The following AMPH variants were observed in gnomAD, a reference collection of about 807,000 sequenced individuals.
AMPH encodes the protein amphiphysin (Stiff-Mann syndrome with breast cancer 128kD autoantigen).
A neutral mutation model predicts 99.1 loss-of-function variants in AMPH; 49 were observed. The ratio of observed to expected loss-of-function variants is 0.49; its 90% CI spans 0.39 to 0.63. The LOEUF (loss-of-function observed/expected upper bound fraction) is 0.63. Among genes scored for constraint, AMPH ranks in the 20% least tolerant of loss-of-function variants. The pLI is 0.00. For synonymous variants in AMPH, 314 were observed against 317.3 expected (o/e 0.99, Z 0.11); for missense variants, 759 against 863.4 (o/e 0.88, Z 1.52).
intron 1 of AMPH, among the ~76,000 whole-genome samples, chr7:38,585,600 A>G (rs149079688): frequency 2.1e-4 from 32 of 152,334 alleles, no homozygotes. Flanking sequence ...AGTGCTTTAT[A>G]CTAGGTTCTG....
intron 1 of AMPH, among the ~76,000 whole-genome samples, chr7:38,624,665 CAAAAAAATAAATAAATAAAAATAAT>C (rs1562868616): frequency 6.7e-6 from 1 of 150,302 alleles, no homozygotes; most frequent in East Asian, 1.9e-4. Flanking sequence ...AGAAGATGGG[CAAAAAAATAAATAAATAAAAATAAT>C]AAAAAAATAA....
At chr7:38,574,733 T>G (rs1447967009) in intron 1 of AMPH, among the ~76,000 whole-genome samples, 7 of 152,082 alleles carry the variant, frequency 4.6e-5, no homozygotes, top group Admixed American at 4.6e-4. Flanking sequence ...CCTTCCAAAT[T>G]TATCATTCAA....
intron 1 of AMPH, among the ~76,000 whole-genome samples, chr7:38,586,903 G>A (rs1792672096): frequency 6.6e-6 from 1 of 152,186 alleles, no homozygotes; most frequent in South Asian, 2.1e-4. Context: ...TTGTTCAGCA[G>A]AGTCTAGATT....
chr7:38,576,158 A>G (rs1024562168), intron 1 of AMPH, among the ~76,000 whole-genome samples: 3 of 152,200 alleles, frequency 2.0e-5, no homozygotes, highest in African/African-American at 7.2e-5. Flanking sequence ...CCTTCGCAAC[A>G]TGCCTTTGAT....
At chr7:38,502,599 T>C (rs1026483055) in intron 3 of AMPH, among the ~76,000 whole-genome samples, 1 of 152,166 alleles carries the variant, frequency 6.6e-6, no homozygotes, top group Non-Finnish European at 1.5e-5. Context: ...GCAAAAATGT[T>C]ACAGAAACTG....
At chr7:38,459,313 A>G (rs191230951) in intron 11 of AMPH, among the ~76,000 whole-genome samples, 75 of 152,282 alleles carry the variant, frequency 4.9e-4, no homozygotes, top group African/African-American at 1.7e-3. Context: ...CTACCAAAAT[A>G]CCAACAACAT....
chr7:38,615,209 C>T (rs1163065797), intron 1 of AMPH, among the ~76,000 whole-genome samples: 1 of 152,168 alleles, frequency 6.6e-6, no homozygotes, highest in Non-Finnish European at 1.5e-5. Context: ...GTGCTTCAGT[C>T]TGTTCATCTG....
chr7:38,547,751 T>C (rs1002598459), intron 1 of AMPH, among the ~76,000 whole-genome samples: 1 of 152,180 alleles, frequency 6.6e-6, no homozygotes, highest in African/African-American at 2.4e-5. Flanking sequence ...AATATGTACA[T>C]TGGTTCCTCT....
intron 2 of AMPH, among the ~76,000 whole-genome samples, chr7:38,518,628 C>G (rs1789840281): frequency 6.6e-6 from 1 of 152,198 alleles, no homozygotes; most frequent in Non-Finnish European, 1.5e-5. Flanking sequence ...CTACGCCTGT[C>G]CCACCATTGT....
chr7:38,537,970 A>G (rs1343450428), intron 1 of AMPH, among the ~76,000 whole-genome samples: 4 of 152,222 alleles, frequency 2.6e-5, no homozygotes, highest in Non-Finnish European at 5.9e-5. Context: ...CAAACACTGG[A>G]AGGACCATCA....
At chr7:38,391,441 CA>C (rs1784490059) in intron 19 of AMPH, among the ~76,000 whole-genome samples, 1 of 152,282 alleles carries the variant, frequency 6.6e-6, no homozygotes, top group East Asian at 1.9e-4. Flanking sequence ...TGGTCTGAGC[CA>C]GGCTCCACAG....
intron 11 of AMPH, among the ~76,000 whole-genome samples, chr7:38,441,743 G>GATAT (rs1350147978): frequency 7.6e-6 from 1 of 131,480 alleles, no homozygotes; most frequent in East Asian, 2.1e-4. Context: ...ATATATGACA[G>GATAT]ATATATCATA....
At chr7:38,546,754 C>G (rs992437096) in intron 1 of AMPH, among the ~76,000 whole-genome samples, 1 of 152,162 alleles carries the variant, frequency 6.6e-6, no homozygotes, top group African/African-American at 2.4e-5. Flanking sequence ...ACACACCTAC[C>G]AGCCTTGCAT....
rs55969455 is a variant in AMPH, at chr7:38,391,814, C to G, written c.1812G>C (p.Gly604=). 2 of 1,613,860 alleles carry G rather than the reference C, an allele frequency of 1.2e-6. No homozygotes were observed. The highest frequency in any genetic ancestry group is 3.3e-5 in the Admixed American group (2 of 59,990). Reference sequence around the variant, plus strand: ...TTGCAGATGCTAGCTGGTCAGCAGCCCCCATGGCTGGTGCAGAAGGCGTGG... The same window carrying G: ...TTGCAGATGCTAGCTGGTCAGCAGCGCCCATGGCTGGTGCAGAAGGCGTGG... ...PQPTPSAPAM[G]AADQLASARE... is the part of the protein sequence containing the mutation. The change falls in exon 19 of 21, where the codon GGG becomes GGC. Residue 604 remains glycine (G), a synonymous_variant. Transcript: ENST00000356264.
chr7:38,430,021 T>C (rs1359698277), intron 13 of AMPH, 156 bp from the exon 14 acceptor site: 10 of 684,236 alleles, frequency 1.5e-5, no homozygotes, highest in Non-Finnish European at 2.3e-5. Flanking sequence ...TAGGAATGAT[T>C]TTTGTTCCAA....
At chr7:38,593,253 A>G (rs1792925807) in intron 1 of AMPH, among the ~76,000 whole-genome samples, 1 of 152,176 alleles carries the variant, frequency 6.6e-6, no homozygotes, top group African/African-American at 2.4e-5. Flanking sequence ...GATCTACTTC[A>G]CTCTAGTGAA....
chr7:38,475,507 G>A (rs1010827340), intron 6 of AMPH, 91 bp from the exon 7 acceptor site: 25 of 806,400 alleles, frequency 3.1e-5, no homozygotes, highest in Non-Finnish European at 4.0e-6. Flanking sequence ...ATAGTCTTAT[G>A]GCATCTTGGA....
chr7:38,559,856 A>G (rs55784471), intron 1 of AMPH, among the ~76,000 whole-genome samples: 39,693 of 152,074 alleles, frequency 0.26, 5,354 homozygotes, highest in East Asian at 0.27. Context: ...AGGAGATCCC[A>G]TCATGCTCCT....
chr7:38,544,694 A>T (rs1020941288), intron 1 of AMPH, among the ~76,000 whole-genome samples: 2 of 152,228 alleles, frequency 1.3e-5, no homozygotes, highest in Non-Finnish European at 2.9e-5. Flanking sequence ...CAAAATGATT[A>T]ACTTGGTTGA....
Sources: gnomAD v4.1 joint callset for allele counts (sites outside exome capture counted in the v4.1 genomes callset) on GRCh38, gnomAD v4.1.1 for gene constraint, MANE v1.5 for transcripts, NCBI Gene and HGNC (gene_info 2026-07-23, HGNC 2026-07-21) for gene names.